Variants in TASP1 observed in about 807,000 individuals in gnomAD.
TASP1 encodes taspase 1, also known as threonine aspartase 1.
In TASP1, 16 loss-of-function variants were observed where a neutral mutation model predicts 56.6. That is an observed-to-expected ratio of 0.28 (90% CI 0.19 to 0.43). The LOEUF is 0.43. Ranked by LOEUF, TASP1 falls within the 20% of genes least tolerant of loss-of-function variation. TASP1 has a pLI of 1.00. For missense variants in TASP1, 393 were observed against 511.6 expected (o/e 0.77, Z 2.24); for synonymous variants, 179 against 184.2 (o/e 0.97, Z 0.23).
the TASP1 span, among the ~76,000 whole-genome samples, chr20:13,265,026 T>C: frequency 2.0e-5 from 3 of 152,180 alleles, no homozygotes; most frequent in East Asian, 5.8e-4. Flanking sequence ...CAAAGGCTGG[T>C]GGGCTAAGAC....
At chr20:13,108,204 T>C in the TASP1 span, among the ~76,000 whole-genome samples, 1 of 152,218 alleles carries the variant, frequency 6.6e-6, no homozygotes, top group Non-Finnish European at 1.5e-5. Flanking sequence ...CTCCAAGTCA[T>C]AGGAAGTCAC....
chr20:13,476,958 A>C (rs2042970126), intron 11 of TASP1, among the ~76,000 whole-genome samples: 1 of 152,152 alleles, frequency 6.6e-6, no homozygotes, highest in African/African-American at 2.4e-5. Context: ...AAAAAGAGAA[A>C]TATGCTTATC....
chr20:13,633,794 T>C (rs1022733145), intron 1 of TASP1, among the ~76,000 whole-genome samples: 4 of 149,388 alleles, frequency 2.7e-5, no homozygotes, highest in Non-Finnish European at 5.9e-5. Context: ...AGATTTCCAA[T>C]GAAAGGAGAA....
intron 10 of TASP1, among the ~76,000 whole-genome samples, chr20:13,527,841 T>C (rs2045044387): frequency 1.3e-5 from 2 of 152,190 alleles, no homozygotes; most frequent in Admixed American, 1.3e-4. Context: ...TCTTTTGTTA[T>C]CTAAACTTGG....
the TASP1 span, among the ~76,000 whole-genome samples, chr20:13,134,819 A>C: frequency 2.0e-4 from 31 of 152,230 alleles, no homozygotes; most frequent in African/African-American, 7.5e-4. Flanking sequence ...AAAAAGCCCG[A>C]AAGAGAAAAG....
chr20:13,158,416 T>G, the TASP1 span, among the ~76,000 whole-genome samples: 1 of 152,172 alleles, frequency 6.6e-6, no homozygotes. Context: ...TGCCCTGCAT[T>G]CTTTGGCAAA....
At chr20:13,290,510 A>G in the TASP1 span, among the ~76,000 whole-genome samples, 1 of 151,988 alleles carries the variant, frequency 6.6e-6, no homozygotes. Context: ...TTAGTCGGGC[A>G]TGGTGGCGGG....
the TASP1 span, among the ~76,000 whole-genome samples, chr20:13,359,494 AACTCTC>A: frequency 4.6e-5 from 7 of 151,488 alleles, no homozygotes; most frequent in Non-Finnish European, 8.8e-5. Flanking sequence ...AGCTTCGGGT[AACTCTC>A]ACAGTGGAAG....
At chr20:13,610,596 AT>A (rs2048319589) in intron 4 of TASP1, among the ~76,000 whole-genome samples, 1 of 152,300 alleles carries the variant, frequency 6.6e-6, no homozygotes, top group African/African-American at 2.4e-5. Flanking sequence ...AAGATTGCAA[AT>A]TTTTTAAAAA....
chr20:13,287,088 CTTT>C, the TASP1 span, among the ~76,000 whole-genome samples: 1 of 152,016 alleles, frequency 6.6e-6, no homozygotes, highest in East Asian at 1.9e-4. Flanking sequence ...CAAGACTTTA[CTTT>C]TGATAAGAGG....
the TASP1 span, among the ~76,000 whole-genome samples, chr20:13,276,936 G>A: frequency 1.3e-5 from 2 of 152,190 alleles, no homozygotes; most frequent in Non-Finnish European, 2.9e-5. Flanking sequence ...GTAGGGAAGG[G>A]TGCGGTGGAT....
At chr20:13,524,131 C>T (rs1480338221) in intron 10 of TASP1, among the ~76,000 whole-genome samples, 9 of 150,104 alleles carry the variant, frequency 6.0e-5, no homozygotes, top group African/African-American at 7.3e-5. Flanking sequence ...CCAGCCTAGG[C>T]GACAGAGTGA....
At chr20:13,261,198 G>A in the TASP1 span, among the ~76,000 whole-genome samples, 1 of 152,142 alleles carries the variant, frequency 6.6e-6, no homozygotes, top group South Asian at 2.1e-4. Flanking sequence ...TGGATCACCT[G>A]AGGTCAGGAA....
chr20:13,596,857 AC>A (rs2047752805), intron 4 of TASP1, among the ~76,000 whole-genome samples: 1 of 152,198 alleles, frequency 6.6e-6, no homozygotes, highest in Admixed American at 6.5e-5. Flanking sequence ...AGATATGACC[AC>A]CAATCCCACA....
intron 10 of TASP1, among the ~76,000 whole-genome samples, chr20:13,516,098 T>C (rs1355562590): frequency 1.3e-5 from 2 of 152,170 alleles, no homozygotes; most frequent in African/African-American, 4.8e-5. Flanking sequence ...AAATAAATCT[T>C]ACTTCAAGTA....
At chr20:13,477,077 C>T (rs2042974064) in intron 11 of TASP1, among the ~76,000 whole-genome samples, 1 of 152,086 alleles carries the variant, frequency 6.6e-6, no homozygotes, top group Admixed American at 6.6e-5. Context: ...ATCACAGAGG[C>T]TAAATGTGTA....
chr20:13,177,286 C>A, the TASP1 span, among the ~76,000 whole-genome samples: 4 of 151,732 alleles, frequency 2.6e-5, no homozygotes, highest in Admixed American at 2.6e-4. Context: ...TACAAATAGA[C>A]ATCCCATGCT....
chr20:13,439,281 A>G (rs1189022545), intron 11 of TASP1, among the ~76,000 whole-genome samples: 1 of 152,228 alleles, frequency 6.6e-6, no homozygotes. Flanking sequence ...GATAGACTGG[A>G]TTAAGAAAAT....
chr20:13,542,768 A>T (rs1341513723), intron 8 of TASP1, among the ~76,000 whole-genome samples: 1 of 152,156 alleles, frequency 6.6e-6, no homozygotes, highest in Non-Finnish European at 1.5e-5. Flanking sequence ...AACAAAAAAT[A>T]CTTAAAAATG....
Sources: gnomAD v4.1 joint callset for allele counts (sites outside exome capture counted in the v4.1 genomes callset) on GRCh38, gnomAD v4.1.1 for gene constraint, MANE v1.5 for transcripts, NCBI Gene and HGNC (gene_info 2026-07-23, HGNC 2026-07-21) for gene names.